Variants in CALY observed in about 807,000 individuals in gnomAD.
CALY encodes calcyon neuron specific vesicular protein, also known as neuron-specific vesicular protein calcyon.
Under a neutral mutation model 20.2 loss-of-function variants are expected in CALY, and 15 were observed. The ratio of observed to expected loss-of-function variants is 0.74; its 90% CI spans 0.50 to 1.14. The LOEUF is 1.14. Ranked by LOEUF, CALY falls within the 50% of genes most tolerant of loss-of-function variation. The pLI is 0.00. For missense variants in CALY, 270 were observed against 304.4 expected, an observed-to-expected ratio of 0.89 and a Z score of 0.84; for synonymous variants, 129 against 131.8, an observed-to-expected ratio of 0.98 and a Z score of 0.15.
At chr10:133,327,810 C>T (rs954091684) in intron 3 of CALY, 95 bp downstream of exon 3, 6 of 824,282 alleles carry the variant, frequency 7.3e-6, no homozygotes, top group Admixed American at 4.0e-5. Context: ...AAGGGGACCC[C>T]AGACTGGCCT....
At chr10:133,331,120 T>C (rs1848298613) in intron 1 of CALY, among the ~76,000 whole-genome samples, 2 of 152,234 alleles carry the variant, frequency 1.3e-5, no homozygotes, top group South Asian at 4.1e-4. Context: ...TCATTTACTA[T>C]TCCTCGGACC....
chr10:133,332,138 A>T (rs1848320080), intron 1 of CALY, among the ~76,000 whole-genome samples: 1 of 152,108 alleles, frequency 6.6e-6, no homozygotes, highest in Admixed American at 6.6e-5. Context: ...GGAAAAAAAA[A>T]AAAAAGAACA....
intron 1 of CALY, among the ~76,000 whole-genome samples, chr10:133,333,233 G>A (rs1197798216): frequency 2.1e-5 from 3 of 140,498 alleles, no homozygotes; most frequent in Non-Finnish European, 4.5e-5. Context: ...AAGGGTGGAA[G>A]GAGCTGAGGG....
chr10:133,328,415 G>C (rs1274821429), intron 2 of CALY, among the ~76,000 whole-genome samples: 1 of 152,156 alleles, frequency 6.6e-6, no homozygotes, highest in Middle Eastern at 3.2e-3. Flanking sequence ...ATGACTCCCT[G>C]GGGGGTCAAA....
chr10:133,335,642 C>T (rs563843754), intron 1 of CALY, among the ~76,000 whole-genome samples: 26 of 152,348 alleles, frequency 1.7e-4, no homozygotes, highest in African/African-American at 4.8e-4. Flanking sequence ...ACCCCACACA[C>T]CAGACCTTCC....
rs1017838623 is a variant in CALY at position 133,324,122 on chromosome 10, C to A, written c.*1473G>T. 3.4e-6 allele frequency: 1 copy of A among 297,420 alleles called. No individual in the cohort carries two copies. Among genetic ancestry groups the A allele is most frequent in the Non-Finnish European group, 6.7e-6 (1 of 148,576 alleles). 18.4% of individuals were successfully genotyped at this position (297,420 alleles called of 1,614,324 possible). On this transcript the variant is annotated 3_prime_UTR_variant, in exon 6 of 6. Transcript: ENST00000252939. ...CAAACATCGGCCATGCAGAGACTCC[C>A]TGCCCCCATATATCCCAGCTGACGC... is the stretch of plus-strand genomic sequence containing the variant.
chr10:133,325,907 G>T lies in CALY; in HGVS notation c.574C>A (p.Pro192Thr), dbSNP rs1429101315. The change falls in exon 5 of 6, where the codon CCC becomes ACC. Residue 192 changes from proline to threonine, a missense_variant. By Grantham distance (38) the Pro-to-Thr change is conservative. Coordinates refer to ENST00000252939, the MANE Select transcript of CALY (RefSeq NM_015722.4). ...TCCGCCTTGGCCGACGGCTTCCCGG[G>T]GGGTTCGGTGGCCGCCGCCGCCGCC... ...AGAAAAATEP[P>T]GKPSAKAEKE... The T allele has an allele frequency of 2.3e-6, 3 of 1,294,376 alleles. No homozygotes were observed. In the African/African-American group the frequency reaches 4.6e-5, roughly 20 times the overall value. 80.2% of individuals were successfully genotyped at this position (1,294,376 alleles called of 1,614,324 possible). A position where few individuals can be genotyped will look rare whatever the true frequency, so the allele number is the denominator to read the frequency against.
intron 1 of CALY, among the ~76,000 whole-genome samples, chr10:133,330,833 C>G (rs1013137864): frequency 1.3e-5 from 2 of 151,642 alleles, no homozygotes; most frequent in Non-Finnish European, 2.9e-5. Flanking sequence ...AACGTAGCCT[C>G]AGTCCCTAAC....
intron 1 of CALY, among the ~76,000 whole-genome samples, chr10:133,335,807 G>A (rs1270004975): frequency 6.6e-6 from 1 of 152,182 alleles, no homozygotes; most frequent in Non-Finnish European, 1.5e-5. Context: ...GCCGCGCTCT[G>A]GCAGGGAGGC....
chr10:133,324,418 G>A lies in CALY; in HGVS notation c.*1177C>T. On this transcript the variant is annotated 3_prime_UTR_variant, in exon 6 of 6. Coordinates refer to ENST00000252939, the MANE Select transcript of CALY (RefSeq NM_015722.4). ...GCCTAGACCCGCACCTAGCCAGCAA[G>A]CCTGGGAGCCAATGGTGGGGGGCTT... is the stretch of plus-strand genomic sequence containing the variant. The A allele has an allele frequency of 2.2e-6, 1 of 454,056 alleles. No homozygotes were observed. The highest frequency in any genetic ancestry group is 1.6e-5 in the South Asian group (1 of 64,440). 28.1% of individuals were successfully genotyped at this position (454,056 alleles called of 1,614,324 possible).
At position 133,325,165 on chromosome 10, in the gene CALY, TC is replaced by T; in HGVS notation, c.*429del. The T allele has an allele frequency of 6.5e-6, 1 of 153,060 alleles. No individual in the cohort carries two copies. Among genetic ancestry groups the T allele is most frequent in the Non-Finnish European group, 1.5e-5 (1 of 68,656 alleles). 9.5% of individuals were successfully genotyped at this position (153,060 alleles called of 1,614,324 possible). On this transcript the variant is annotated 3_prime_UTR_variant, in exon 6 of 6. Coordinates refer to ENST00000252939, the MANE Select transcript of CALY (RefSeq NM_015722.4). ...CAGCGGATAGGGATGGACCCGAGGC[TC>T]CCCTGGGTGGGCCGGAGCCCCGCCA... is the stretch of plus-strand genomic sequence containing the variant.
chr10:133,324,342 T>C lies in CALY; in HGVS notation c.*1253A>G, dbSNP rs1309710287. ...TGGCAGGCCCAGTTCACAGGCTTCC[T>C]GGGCACTGCCGCTGTTCCAAAGCAG... On this transcript the variant is annotated 3_prime_UTR_variant, in exon 6 of 6. Transcript: ENST00000252939. 2.2e-6 allele frequency: 1 copy of C among 455,932 alleles called. No homozygotes were observed. The highest frequency in any genetic ancestry group is 2.3e-5 in the Admixed American group (1 of 42,566). The allele number at this position is 455,932 out of a possible 1,614,324, so 28.2% of individuals were successfully genotyped here.
rs1190153439 is a variant in CALY at position 133,328,974 on chromosome 10, A to G, written c.16T>C (p.Cys6Arg). 42 of 1,564,438 alleles carry G rather than the reference A, an allele frequency of 2.7e-5. No homozygotes were observed. Among genetic ancestry groups the G allele is most frequent in the Non-Finnish European group, 3.6e-5 (42 of 1,153,528 alleles). Residue 6 changes from cysteine to arginine, a missense_variant, in exon 2 of 6, where the codon TGC becomes CGC. Transcript: ENST00000252939. MVKLG[C>R]SFSGKPGKDP... Reference sequence around the variant, plus strand: ...TTACCTGGCTTCCCAGAGAAGCTGCAGCCCAGCTTCACCATGGTGGATGGC... The same window carrying G: ...TTACCTGGCTTCCCAGAGAAGCTGCGGCCCAGCTTCACCATGGTGGATGGC...
intron 1 of CALY, among the ~76,000 whole-genome samples, chr10:133,333,558 G>A (rs56024355): frequency 5.2e-4 from 78 of 150,386 alleles, no homozygotes; most frequent in African/African-American, 1.8e-3. Flanking sequence ...CTTGGGGAAC[G>A]ATCCAAGTGG....
intron 1 of CALY, among the ~76,000 whole-genome samples, chr10:133,331,846 T>C (rs771850094): frequency 1.3e-4 from 20 of 152,158 alleles, no homozygotes; most frequent in Non-Finnish European, 2.6e-4. Context: ...AGAACATGGA[T>C]TGCCAGGCAC....
intron 1 of CALY, among the ~76,000 whole-genome samples, chr10:133,335,251 C>G (rs547925698): frequency 1.1e-3 from 166 of 152,170 alleles, no homozygotes; most frequent in African/African-American, 3.8e-3. Flanking sequence ...AGCCCAGCCT[C>G]TCTACAGACG....
At chr10:133,330,653 G>A (rs1157095213) in intron 1 of CALY, among the ~76,000 whole-genome samples, 5 of 8,788 alleles carry the variant, frequency 5.7e-4, no homozygotes, top group Admixed American at 2.5e-3. Flanking sequence ...GAGAGACTCC[G>A]TCTCAAAAAA....
At chr10:133,325,714 CG>C (rs1200527013) in intron 5 of CALY, 84 bp downstream of exon 5, 2 of 577,672 alleles carry the variant, frequency 3.5e-6, no homozygotes, top group Non-Finnish European at 4.9e-6. Context: ...GGAAGGGTGG[CG>C]GGGGTCTTTG....
chr10:133,329,664 G>A (rs1413897688), intron 1 of CALY, among the ~76,000 whole-genome samples: 1 of 151,960 alleles, frequency 6.6e-6, no homozygotes, highest in Non-Finnish European at 1.5e-5. Flanking sequence ...GAACCACCGC[G>A]CCTGACTCTA....
Sources: gnomAD v4.1 joint callset for allele counts (sites outside exome capture counted in the v4.1 genomes callset) on GRCh38, gnomAD v4.1.1 for gene constraint, MANE v1.5 for transcripts, NCBI Gene and HGNC (gene_info 2026-07-23, HGNC 2026-07-21) for gene names.